The following DNAH10 variants were observed in gnomAD, a reference collection of about 807,000 sequenced individuals.
DNAH10 encodes axonemal beta dynein heavy chain 10.
Under a neutral mutation model 506.6 loss-of-function variants are expected in DNAH10, and 348 were observed. The ratio of observed to expected loss-of-function variants is 0.69; its 90% CI spans 0.63 to 0.75. DNAH10 has a LOEUF of 0.75. Ranked by LOEUF, DNAH10 falls within the 30% of genes least tolerant of loss-of-function variation. The pLI, the probability that DNAH10 is intolerant of heterozygous loss-of-function variation, is 0.00. For missense variants in DNAH10, 5,179 were observed against 5,787.1 expected, an observed-to-expected ratio of 0.89 and a Z score of 3.41; for synonymous variants, 2,059 against 2,198.6, an observed-to-expected ratio of 0.94 and a Z score of 1.78.
chr12:123,809,746 C>T (rs1053662704), intron 19 of DNAH10, among the ~76,000 whole-genome samples: 3 of 152,166 alleles, frequency 2.0e-5, no homozygotes, highest in African/African-American at 2.4e-5. Context: ...ACACTTGGAA[C>T]ATAATCCAGA....
chr12:123,865,333 C>T (rs1471067875), intron 40 of DNAH10, among the ~76,000 whole-genome samples: 1 of 152,006 alleles, frequency 6.6e-6, no homozygotes, highest in African/African-American at 2.4e-5. Flanking sequence ...AGGCTATTCT[C>T]CAAAGCCCTC....
Position 123,813,547 on chromosome 12 carries a change from G to A in DNAH10, c.3528G>A (p.Val1176=), listed in dbSNP as rs1188822155. 10 of 1,614,180 alleles carry A rather than the reference G, an allele frequency of 6.2e-6. No individual in the cohort carries two copies. Among genetic ancestry groups the A allele is most frequent in the Non-Finnish European group, 7.6e-6 (9 of 1,180,018 alleles). The change falls in exon 20 of 79, where the codon GTG becomes GTA. Residue 1176 remains valine, a synonymous_variant. Coordinates refer to ENST00000673944, the MANE Select transcript of DNAH10 (RefSeq NM_001372106.1). ...AGCTCAGGCATCTGGCAAACACAGT[G>A]CAGGAAAATGCCAAGTCCTGGGTGA... The part of the protein sequence containing the change: ...RLQLRHLANT[V]QENAKSWVIS...
chr12:123,839,225 A>G (rs2341780), intron 29 of DNAH10, among the ~76,000 whole-genome samples: 60,903 of 149,408 alleles, frequency 0.41, 12,978 homozygotes, highest in Non-Finnish European at 0.46. Context: ...TAAAAAAAAA[A>G]AAAAAACAAA....
At position 123,934,741 on chromosome 12, in the gene DNAH10, T is replaced by C. The variant is rs776656138; in HGVS notation, c.13598T>C (p.Ile4533Thr). The change falls in exon 78 of 79, where the codon ATT (isoleucine) becomes ACT (threonine). Residue 4533 changes from isoleucine to threonine, a missense_variant. By Grantham distance (89) the Ile-to-Thr change is moderately conservative. Around this residue, in one of 3 missense-constraint regions of DNAH10, gnomAD observed 4,844 missense variants for 5,430.5 expected, o/e 0.89. Transcript: ENST00000673944. ...VDLPILKIIP[I>T]EAHRLKLQNT... ...CTGCCGATCCTGAAGATCATCCCCA[T>C]TGAAGCCCATCGCCTCAAGCTGCAG... The C allele has an allele frequency of 2.7e-5, 44 of 1,613,778 alleles. No individual in the cohort carries two copies. The highest frequency in any genetic ancestry group is 4.5e-5 in the East Asian group (2 of 44,892).
In DNAH10 at chr12:123,928,878, T is replaced by A; in HGVS notation, c.12306+291T>A. The A allele has an allele frequency of 2.1e-6, 1 of 474,216 alleles. No homozygotes were observed. Among genetic ancestry groups the A allele is most frequent in the Non-Finnish European group, 3.7e-6 (1 of 268,530 alleles). 29.4% of individuals were successfully genotyped at this position (474,216 alleles called of 1,614,324 possible). On this transcript the variant is annotated intron_variant, in intron 70 of 78. Transcript: ENST00000673944. The surrounding 1 kb of genome is among the most constrained non-coding windows in gnomAD (Gnocchi z 4.9). ...ACGGCCCCCCCCCCCACACACAGCC[T>A]GCAGTTCGCTAGTGCTGACTGCAGG...
chr12:123,816,820 C>T (rs1594100823), intron 21 of DNAH10, among the ~76,000 whole-genome samples: 1 of 152,188 alleles, frequency 6.6e-6, no homozygotes, highest in Admixed American at 6.5e-5. Flanking sequence ...CGTGAAGTTG[C>T]TGGGTTACAG....
At chr12:123,812,395 G>A (rs1193384719) in intron 19 of DNAH10, among the ~76,000 whole-genome samples, 7 of 152,148 alleles carry the variant, frequency 4.6e-5, no homozygotes, top group Admixed American at 3.9e-4. Context: ...AGCTTGCAGT[G>A]AGCTGAGATT....
chr12:123,884,564 A>C (rs1952648169), intron 51 of DNAH10, among the ~76,000 whole-genome samples: 1 of 152,166 alleles, frequency 6.6e-6, no homozygotes, highest in South Asian at 2.1e-4. Context: ...ACAGCACGAA[A>C]AGTCTTTGGG....
Position 123,801,766 on chromosome 12 carries a change from G to A in DNAH10, c.2614+334G>A, listed in dbSNP as rs367944554. Among the ~76,000 whole-genome samples the A allele has an allele frequency of 7.9e-5, 12 of 152,048 alleles. No homozygotes were observed. The East Asian group carries it at 1.2e-3, about 15-fold the overall frequency. On this transcript the variant is annotated intron_variant, in intron 16 of 78. Transcript: ENST00000673944. ...AAGAATTACGACAGAGGGAGCCTTC[G>A]TACCCTTTAGTCATTTTCCCTAAGT...
Position 123,928,672 on chromosome 12 carries a change from T to G in DNAH10, c.12306+85T>G. 1 of 1,434,794 alleles carries G rather than the reference T, an allele frequency of 7.0e-7. No homozygotes were observed. Among genetic ancestry groups the G allele is most frequent in the South Asian group, 1.3e-5 (1 of 76,316 alleles). 88.9% of individuals were successfully genotyped at this position (1,434,794 alleles called of 1,614,324 possible). Reference sequence around the variant, plus strand: ...CTGCTCTGGGGCCGGGGTGTGCCTTTGTCTGTGTAGAAATAAACCTTAGGC... The same window carrying G: ...CTGCTCTGGGGCCGGGGTGTGCCTTGGTCTGTGTAGAAATAAACCTTAGGC... On this transcript the variant is annotated intron_variant, in intron 70 of 78. Coordinates refer to ENST00000673944, the MANE Select transcript of DNAH10 (RefSeq NM_001372106.1). This position sits in a 1 kb window ranked among gnomAD's most constrained non-coding sequence, Gnocchi z 4.9.
At chr12:123,894,744 G>A (rs1219290027) in intron 54 of DNAH10, 21 bp downstream of exon 54, 1 of 1,601,326 alleles carries the variant, frequency 6.2e-7, no homozygotes, top group Non-Finnish European at 8.6e-7. Context: ...GCTGTTATGG[G>A]AACTGCATTA....
At chr12:123,808,005 G>GA (rs371991955) in intron 18 of DNAH10, among the ~76,000 whole-genome samples, 2 of 42,802 alleles carry the variant, frequency 4.7e-5, no homozygotes, top group African/African-American at 8.1e-5. Context: ...AGAGACGGGA[G>GA]GAGGGAGAGG....
At chr12:123,856,188 AATAT>A (rs1366018652) in intron 36 of DNAH10, among the ~76,000 whole-genome samples, 16 of 147,396 alleles carry the variant, frequency 1.1e-4, no homozygotes, top group African/African-American at 3.7e-4. Flanking sequence ...AATGATATAA[AATAT>A]ATAAATTTTA....
chr12:123,917,616 A>G lies in DNAH10; in HGVS notation c.11035A>G (p.Ser3679Gly). The G allele has an allele frequency of 6.4e-7, 1 of 1,551,592 alleles. No individual in the cohort carries two copies. The highest frequency in any genetic ancestry group is 8.7e-7 in the Non-Finnish European group (1 of 1,147,040). ...GAAGGGCCTGGAGGACCAGCTGCTG[A>G]GCGTGCTGGTGGCTTACGAGAGGCG... is the stretch of plus-strand genomic sequence containing the variant. ...TLKGLEDQLL[S>G]VLVAYERREL... The change falls in exon 64 of 79, where the codon AGC (serine) becomes GGC (glycine). Residue 3679 changes from serine (S) to glycine (G), a missense_variant. By Grantham distance (56) the Ser-to-Gly change is moderately conservative (BLOSUM62 0). Transcript: ENST00000673944. This position sits in a 1 kb window ranked among gnomAD's most constrained non-coding sequence, Gnocchi z 5.6.
chr12:123,922,477 A>G (rs536059872), intron 65 of DNAH10, among the ~76,000 whole-genome samples: 1 of 152,136 alleles, frequency 6.6e-6, no homozygotes, highest in South Asian at 2.1e-4. Context: ...GGTAGGACAC[A>G]CTCGTGTCCC....
intron 12 of DNAH10, among the ~76,000 whole-genome samples, chr12:123,794,473 C>A (rs997304937): frequency 3.3e-5 from 5 of 152,074 alleles, no homozygotes; most frequent in African/African-American, 1.2e-4. Context: ...TGGTGTTAGG[C>A]ACAGAGATAG....
chr12:123,799,451 G>A, intron 14 of DNAH10, 80 bp downstream of exon 14: 1 of 1,509,052 alleles, frequency 6.6e-7, no homozygotes, highest in South Asian at 1.3e-5. Context: ...TTGATTTGTT[G>A]ACATTCATGA....
chr12:123,906,819 G>A (rs1465449973), intron 57 of DNAH10, among the ~76,000 whole-genome samples: 2 of 152,166 alleles, frequency 1.3e-5, no homozygotes, highest in East Asian at 1.9e-4. Flanking sequence ...AATCTTTTAA[G>A]TCCTTAAAAA....
At chr12:123,840,530 A>G (rs900924782) in intron 29 of DNAH10, among the ~76,000 whole-genome samples, 2 of 150,948 alleles carry the variant, frequency 1.3e-5, no homozygotes, top group African/African-American at 4.9e-5. Flanking sequence ...TCAGCCTCCC[A>G]AAGTGGTGGG....
Sources: allele counts gnomAD v4.1 joint callset (sites outside exome capture counted in the v4.1 genomes callset), GRCh38; gene constraint gnomAD v4.1.1; regional missense constraint gnomAD v4.1.1; non-coding constraint Gnocchi (gnomAD v3.1); transcripts MANE v1.5; gene names NCBI Gene and HGNC (gene_info 2026-07-23, HGNC 2026-07-21).